The following NCBP2L variants were observed in gnomAD, a reference collection of about 807,000 sequenced individuals.
NCBP2L encodes nuclear cap binding protein subunit 2 like, also known as nuclear cap-binding protein subunit 2-like.
For synonymous variants in NCBP2L, 39 were observed against 19.2 expected (o/e 2.04, Z -2.70); for missense variants, 95 against 53.1 (o/e 1.79, Z -2.45).
At chrX:107,790,426 C>G (rs1477764587) in intron 1 of NCBP2L, among the ~76,000 whole-genome samples, 1 of 111,103 alleles carries the variant, frequency 9.0e-6, no homozygotes, top group South Asian at 3.9e-4. Context: ...GCTTGAAGCC[C>G]TATCATGGTT....
intron 1 of NCBP2L, among the ~76,000 whole-genome samples, chrX:107,793,642 G>C (rs987899424): frequency 8.9e-6 from 1 of 111,890 alleles, no homozygotes; most frequent in Admixed American, 9.5e-5. Context: ...TTGTATATTT[G>C]ATGGTATATA....
Position 107,794,520 on chromosome X carries a change from TG to T in NCBP2L, c.303del (p.Thr102ProfsTer3), listed in dbSNP as rs1450353718. The T allele has an allele frequency of 1.8e-6, 1 of 570,292 alleles. No homozygotes were observed. The highest frequency in any genetic ancestry group is 3.2e-6 in the Non-Finnish European group (1 of 309,526). 47.0% of individuals were successfully genotyped at this position (570,292 alleles called of 1,213,427 possible). ...DAENAMRFLT[G>X]TCLDEWIICT... ...CTGAAAATGCCATGCGGTTTCTAAC[TG>T]GGACCTGCCTAGATGAATGGATTAT... is the stretch of plus-strand genomic sequence containing the variant. On this transcript the variant is annotated frameshift_variant, in exon 2 of 2. Coordinates refer to ENST00000509000, the MANE Select transcript of NCBP2L (RefSeq NM_001348372.2). LOFTEE classifies it low-confidence loss of function (END_TRUNC).
chrX:107,783,054 A>T (rs1291021417), intron 1 of NCBP2L, among the ~76,000 whole-genome samples: 1 of 110,245 alleles, frequency 9.1e-6, no homozygotes, highest in Non-Finnish European at 1.9e-5. Flanking sequence ...ACTCATTTTT[A>T]TCTATCAATG....
chrX:107,781,779 G>GATATATAGAT (rs1278346261), intron 1 of NCBP2L, among the ~76,000 whole-genome samples: 2 of 81,101 alleles, frequency 2.5e-5, no homozygotes, highest in African/African-American at 4.7e-5. Context: ...TATATATATA[G>GATATATAGAT]ATCTATAGAT....
intron 1 of NCBP2L, among the ~76,000 whole-genome samples, chrX:107,778,700 C>T (rs950237785): frequency 3.6e-5 from 4 of 112,184 alleles, no homozygotes; most frequent in African/African-American, 1.3e-4. Flanking sequence ...CCAGACAGAG[C>T]TGGTAGCTTT....
Position 107,781,692 on chromosome X carries a change from C to CTCTCTCTATATA in NCBP2L, c.-73+3835_-73+3836insCTCTCTATATAT, listed in dbSNP as rs1395038482. On this transcript the variant is annotated intron_variant, in intron 1 of 1. Transcript: ENST00000509000. The stretch of plus-strand genomic sequence containing the variant: ...TATCTATCTATCTCTCTCTCTCTCT[C>CTCTCTCTATATA]TATATATATATATATATAGATCTAT... Among the ~76,000 whole-genome samples the CTCTCTCTATATA allele has an allele frequency of 8.9e-3, 597 of 66,819 alleles. 15 individuals are homozygous for CTCTCTCTATATA. The highest frequency in any genetic ancestry group is 0.026 in the East Asian group (67 of 2,614). 58.0% of individuals were successfully genotyped at this position (66,819 alleles called of 115,157 possible).
intron 1 of NCBP2L, among the ~76,000 whole-genome samples, chrX:107,783,368 T>TA (rs1478544901): frequency 2.1e-4 from 20 of 96,218 alleles, no homozygotes; most frequent in African/African-American, 4.0e-4. Context: ...CTTTTTTTTT[T>TA]TTTTTTTTTT....
chrX:107,779,738 ATTTTTTTTTTT>A (rs60997776), intron 1 of NCBP2L, among the ~76,000 whole-genome samples: 1 of 36,649 alleles, frequency 2.7e-5, no homozygotes, highest in Non-Finnish European at 5.0e-5. Flanking sequence ...TATCCCCTGA[ATTTTTTTTTTT>A]TTTTTTTTTT....
intron 1 of NCBP2L, among the ~76,000 whole-genome samples, chrX:107,789,901 T>C (rs1320702651): frequency 9.0e-6 from 1 of 110,792 alleles, no homozygotes; most frequent in Non-Finnish European, 1.9e-5. Flanking sequence ...TACCATCCTA[T>C]TGAGCCCCAA....
In NCBP2L at chrX:107,795,271, T is replaced by C. The variant is rs1930506162; in HGVS notation, c.*589T>C. 8.9e-6 allele frequency: 1 copy of C among 112,215 alleles called. No individual in the cohort carries two copies. Among genetic ancestry groups the C allele is most frequent in the Admixed American group, 9.5e-5 (1 of 10,513 alleles). The allele number at this position is 112,215 out of a possible 1,213,427, so 9.2% of individuals were successfully genotyped here. On this transcript the variant is annotated 3_prime_UTR_variant, in exon 2 of 2. Transcript: ENST00000509000. The stretch of plus-strand genomic sequence containing the variant: ...TGGTAGTTTCCTCCATATCTCCAAA[T>C]AACATGACTACTTACTTTCTTTTTA...
At chrX:107,788,568 T>C (rs1602437820) in intron 1 of NCBP2L, among the ~76,000 whole-genome samples, 1 of 112,354 alleles carries the variant, frequency 8.9e-6, no homozygotes, top group East Asian at 2.8e-4. Flanking sequence ...TTTGTAAATG[T>C]TCACTTTAAA....
chrX:107,793,634 G>A (rs1183671811), intron 1 of NCBP2L, among the ~76,000 whole-genome samples: 1 of 111,993 alleles, frequency 8.9e-6, no homozygotes, highest in Non-Finnish European at 1.9e-5. Context: ...AGTGCTACTT[G>A]TATATTTGAT....
rs753722791 is a variant in NCBP2L, at chrX:107,781,732, CTA to C, written c.-73+3881_-73+3882del. On this transcript the variant is annotated intron_variant, in intron 1 of 1. Transcript: ENST00000509000. ...TATAGATCTATAGATATCTATAGAT[CTA>C]TATATAGATATCTATATATAGATCT... is the stretch of plus-strand genomic sequence containing the variant. 9.4e-5 allele frequency among the ~76,000 whole-genome samples: 5 copies of C among 53,422 alleles called. No homozygotes were observed. The East Asian group carries it at 2.1e-3, about 22-fold the overall frequency. 46.4% of individuals were successfully genotyped at this position (53,422 alleles called of 115,157 possible). A position where few individuals can be genotyped will look rare whatever the true frequency, so the allele number is the denominator to read the frequency against.
At position 107,795,504 on chromosome X, in the gene NCBP2L, C is replaced by A. The variant is rs1165093029; in HGVS notation, c.*822C>A. The A allele has an allele frequency of 8.9e-6, 1 of 111,945 alleles. No homozygotes were observed. Among genetic ancestry groups the A allele is most frequent in the Non-Finnish European group, 1.9e-5 (1 of 53,201 alleles). The allele number at this position is 111,945 out of a possible 1,213,427, so 9.2% of individuals were successfully genotyped here. A position where few individuals can be genotyped will look rare whatever the true frequency, so the allele number is the denominator to read the frequency against. On this transcript the variant is annotated 3_prime_UTR_variant, in exon 2 of 2. Transcript: ENST00000509000. The stretch of plus-strand genomic sequence containing the variant: ...CAGTAGAAACCATGCTTCAGGTACC[C>A]ATACAACTATTTCGTTTTTGACTTT...
intron 1 of NCBP2L, among the ~76,000 whole-genome samples, chrX:107,784,010 T>C (rs1930363680): frequency 9.0e-6 from 1 of 110,576 alleles, no homozygotes; most frequent in Non-Finnish European, 1.9e-5. Flanking sequence ...CAAACACAGA[T>C]TGGAAGGGTA....
At chrX:107,778,980 G>T (rs1246192393) in intron 1 of NCBP2L, among the ~76,000 whole-genome samples, 1 of 111,210 alleles carries the variant, frequency 9.0e-6, no homozygotes, top group East Asian at 2.8e-4. Context: ...GGAGGGGTTA[G>T]CTCTGGCAGA....
rs190865655 is a variant in NCBP2L at position 107,782,849 on chromosome X, T to C, written c.-73+4991T>C. Among the ~76,000 whole-genome samples, 641 of 107,989 alleles carry C rather than the reference T, an allele frequency of 5.9e-3. 7 individuals carry two copies. Among genetic ancestry groups the C allele is most frequent in the African/African-American group, 0.02 (601 of 29,680 alleles). The allele number at this position is 107,989 out of a possible 115,157, so 93.8% of individuals were successfully genotyped here. On this transcript the variant is annotated intron_variant, in intron 1 of 1. Coordinates refer to ENST00000509000, the MANE Select transcript of NCBP2L (RefSeq NM_001348372.2). ...TATACATATACATATATACACATAA[T>C]ATACACACATATATACACATAATAT...
chrX:107,782,247 ATAAATATATATAT>A (rs1569457260), intron 1 of NCBP2L, among the ~76,000 whole-genome samples: 1 of 21,729 alleles, frequency 4.6e-5, no homozygotes, highest in East Asian at 1.3e-3. Flanking sequence ...ATATATATAT[ATAAATATATATAT>A]AAATATATAT....
At chrX:107,782,510 A>G (rs1194500266) in intron 1 of NCBP2L, among the ~76,000 whole-genome samples, 1 of 98,423 alleles carries the variant, frequency 1.0e-5, no homozygotes, top group Non-Finnish European at 2.0e-5. Flanking sequence ...TTTCAAGTGA[A>G]CAATACAGTA....
Sources: gnomAD v4.1 joint callset for allele counts (sites outside exome capture counted in the v4.1 genomes callset) on GRCh38, gnomAD v4.1.1 for gene constraint, MANE v1.5 for transcripts, NCBI Gene and HGNC (gene_info 2026-07-23, HGNC 2026-07-21) for gene names.